Variants in NCK1 observed in about 807,000 individuals in gnomAD.
The protein encoded by NCK1 is SH2/SH3 adapter protein NCK1.
In NCK1, 19 loss-of-function variants were observed where a neutral mutation model predicts 36.6. That is an observed-to-expected ratio of 0.52 (90% CI 0.36 to 0.76). NCK1 has a LOEUF of 0.76. NCK1 is among the 30% of genes least tolerant of loss of function. The probability of loss-of-function intolerance (pLI) is 0.00; values close to 1 mark genes in which losing one functional copy is unlikely to be tolerated. For missense variants in NCK1, 358 were observed against 445.6 expected (o/e 0.80, Z 1.77); for synonymous variants, 165 against 156.0 (o/e 1.06, Z -0.43).
intron 1 of NCK1, among the ~76,000 whole-genome samples, chr3:136,898,339 G>A (rs1176008419): frequency 1.3e-5 from 2 of 148,808 alleles, no homozygotes; most frequent in South Asian, 4.2e-4. Flanking sequence ...GGAGGTTCCA[G>A]TGAGCTGAGA....
At chr3:136,926,932 G>A (rs1417729712) in intron 1 of NCK1, among the ~76,000 whole-genome samples, 1 of 152,102 alleles carries the variant, frequency 6.6e-6, no homozygotes, top group African/African-American at 2.4e-5. Flanking sequence ...CTTGCTGGTT[G>A]TGATATGAGT....
intron 1 of NCK1, among the ~76,000 whole-genome samples, chr3:136,863,016 CCTTT>C (rs5852852): frequency 0.68 from 103,268 of 151,680 alleles, 35,419 homozygotes; most frequent in East Asian, 0.87. Context: ...GGTTTTGTAA[CCTTT>C]CTTCTGTATT....
intron 2 of NCK1, among the ~76,000 whole-genome samples, chr3:136,939,998 T>C (rs1002334691): frequency 1.4e-4 from 21 of 152,014 alleles, no homozygotes; most frequent in African/African-American, 4.6e-4. Context: ...ACTACAGGAA[T>C]GCACCACCAC....
intron 1 of NCK1, among the ~76,000 whole-genome samples, chr3:136,875,282 G>C (rs1457714013): frequency 6.6e-6 from 1 of 152,106 alleles, no homozygotes; most frequent in African/African-American, 2.4e-5. Context: ...TTTGGGCTGA[G>C]ACAATGGGGT....
intron 1 of NCK1, among the ~76,000 whole-genome samples, chr3:136,890,379 C>G (rs1939208854): frequency 6.6e-6 from 1 of 152,184 alleles, no homozygotes; most frequent in African/African-American, 2.4e-5. Context: ...GCTGGCGCCT[C>G]TCCCTCTACA....
chr3:136,890,617 A>G (rs1295797733), intron 1 of NCK1, among the ~76,000 whole-genome samples: 2 of 152,170 alleles, frequency 1.3e-5, no homozygotes, highest in African/African-American at 4.8e-5. Context: ...AGTTAATACC[A>G]CATTTTATGC....
At chr3:136,867,458 C>T (rs531795037) in intron 1 of NCK1, 2 of 123,976 alleles carry the variant, frequency 1.6e-5, no homozygotes, top group South Asian at 5.3e-4. Flanking sequence ...GTTGTTCAGA[C>T]TGGTTTTGAA....
intron 1 of NCK1, among the ~76,000 whole-genome samples, chr3:136,893,187 T>TACACACAC (rs1226338778): frequency 1.2e-4 from 16 of 133,790 alleles, no homozygotes; most frequent in African/African-American, 1.4e-4. Context: ...TGTATATATA[T>TACACACAC]ATATACACAC....
chr3:136,864,858 A>G (rs1938366103), intron 1 of NCK1, among the ~76,000 whole-genome samples: 1 of 149,640 alleles, frequency 6.7e-6, no homozygotes, highest in Non-Finnish European at 1.5e-5. Context: ...CCCGGGTTCA[A>G]TCGATTCTTG....
chr3:136,917,262 C>T (rs565229019), intron 1 of NCK1, among the ~76,000 whole-genome samples: 23 of 134,850 alleles, frequency 1.7e-4, no homozygotes, highest in South Asian at 4.8e-4. Context: ...AATCAGCTAT[C>T]GTTAGTGTAT....
intron 1 of NCK1, among the ~76,000 whole-genome samples, chr3:136,864,361 C>G (rs903425699): frequency 6.6e-6 from 1 of 150,738 alleles, no homozygotes; most frequent in Non-Finnish European, 1.5e-5. Flanking sequence ...CGTGGTGGCA[C>G]GCACCTGTAA....
intron 1 of NCK1, among the ~76,000 whole-genome samples, chr3:136,908,608 C>T (rs1236851966): frequency 6.6e-6 from 1 of 152,284 alleles, no homozygotes; most frequent in Admixed American, 6.5e-5. Context: ...TAGGTTGTCC[C>T]ACCTGTTAAA....
chr3:136,948,072 G>A (rs2108156876), intron 3 of NCK1, among the ~76,000 whole-genome samples, 187 bp from the exon 4 acceptor site: 1 of 152,154 alleles, frequency 6.6e-6, no homozygotes, highest in African/African-American at 2.4e-5. Flanking sequence ...TAGCTTCTTT[G>A]AGACTCAGTT....
intron 2 of NCK1, among the ~76,000 whole-genome samples, chr3:136,942,447 G>A (rs979261008): frequency 1.3e-5 from 2 of 152,140 alleles, no homozygotes; most frequent in African/African-American, 4.8e-5. Context: ...ATCAGCTAGG[G>A]TTTTAACAGA....
At chr3:136,883,466 C>T (rs987206979) in intron 1 of NCK1, among the ~76,000 whole-genome samples, 2 of 151,946 alleles carry the variant, frequency 1.3e-5, no homozygotes, top group Non-Finnish European at 2.9e-5. Flanking sequence ...TTTTTTTTCT[C>T]TAACTAAAAG....
chr3:136,940,844 C>T (rs1940653342), intron 2 of NCK1, among the ~76,000 whole-genome samples: 1 of 152,230 alleles, frequency 6.6e-6, no homozygotes, highest in Admixed American at 6.5e-5. Flanking sequence ...CGCGCCGGGC[C>T]TATGCTGTGT....
At chr3:136,913,007 A>G (rs902194191) in intron 1 of NCK1, among the ~76,000 whole-genome samples, 4 of 150,890 alleles carry the variant, frequency 2.7e-5, no homozygotes, top group Admixed American at 2.6e-4. Flanking sequence ...TTCTTTCTAC[A>G]TTGTTTTCTT....
intron 1 of NCK1, among the ~76,000 whole-genome samples, chr3:136,877,188 C>T (rs1938799404): frequency 6.6e-6 from 1 of 152,090 alleles, no homozygotes; most frequent in African/African-American, 2.4e-5. Context: ...AATATTTCAC[C>T]TAATACCTAC....
intron 1 of NCK1, among the ~76,000 whole-genome samples, chr3:136,910,829 A>G (rs1939813429): frequency 6.6e-6 from 1 of 152,190 alleles, no homozygotes; most frequent in African/African-American, 2.4e-5. Flanking sequence ...TATATAATAC[A>G]TTAATACTGA....
Sources: gnomAD v4.1 joint callset for allele counts (sites outside exome capture counted in the v4.1 genomes callset) on GRCh38, gnomAD v4.1.1 for gene constraint, MANE v1.5 for transcripts, NCBI Gene and HGNC (gene_info 2026-07-23, HGNC 2026-07-21) for gene names.